The following MEI1 variants were observed in gnomAD, a reference collection of about 807,000 sequenced individuals.
MEI1 encodes the protein meiotic double-stranded break formation protein 1.
MEI1 carries 103 observed loss-of-function variants against 146.2 expected under a neutral mutation model. The ratio of observed to expected loss-of-function variants is 0.70; its 90% CI spans 0.60 to 0.83. The LOEUF is 0.83. MEI1 is among the 40% of genes least tolerant of loss of function. MEI1 has a pLI of 0.00. For synonymous variants in MEI1, 652 were observed against 628.2 expected (o/e 1.04, Z -0.57); for missense variants, 1,529 against 1,533.0 (o/e 1.00, Z 0.04).
intron 16 of MEI1, 80 bp from the exon 17 acceptor site, chr22:41,753,869 C>T: frequency 1.0e-6 from 1 of 978,154 alleles, no homozygotes; most frequent in African/African-American, 1.6e-5. Flanking sequence ...CAGTGGTGCC[C>T]AGGCATATGG....
intron 26 of MEI1, among the ~76,000 whole-genome samples, chr22:41,785,918 T>TTTA (rs2075964509): frequency 7.0e-6 from 1 of 142,752 alleles, no homozygotes; most frequent in African/African-American, 2.6e-5. Context: ...TTATTTTATT[T>TTTA]TTTTTTTTTT....
chr22:41,752,387 C>T (rs2073817495), intron 15 of MEI1: 1 of 577,144 alleles, frequency 1.7e-6, no homozygotes, highest in African/African-American at 1.9e-5. Flanking sequence ...TTTACAACAC[C>T]CTGTGAGGTA....
intron 19 of MEI1, among the ~76,000 whole-genome samples, 168 bp downstream of exon 19, chr22:41,763,489 G>C (rs1186984057): frequency 2.0e-5 from 3 of 150,526 alleles, no homozygotes; most frequent in African/African-American, 4.9e-5. Context: ...TACAGAGCCT[G>C]TATAATTTAC....
At position 41,784,382 on chromosome 22, in the gene MEI1, C is replaced by T; in HGVS notation, c.3131C>T (p.Ala1044Val). ...GTGGAAATGGACCAAGTATTGAAGG[C>T]TCTCAGCTTTCCAAAGAAAAAGGCT... ...LSVEMDQVLK[A>V]LSFPKKKAAL... Residue 1044 changes from alanine to valine, a missense_variant, in exon 25 of 31, where the codon GCT (alanine) becomes GTT (valine). Coordinates refer to ENST00000401548, the MANE Select transcript of MEI1 (RefSeq NM_152513.4). The T allele has an allele frequency of 3.1e-6, 5 of 1,613,984 alleles. No homozygotes were observed. Among genetic ancestry groups the T allele is most frequent in the Non-Finnish European group, 4.2e-6 (5 of 1,179,902 alleles).
chr22:41,798,094 T>G (rs189314381), intron 30 of MEI1, among the ~76,000 whole-genome samples: 138 of 149,254 alleles, frequency 9.2e-4, no homozygotes, highest in African/African-American at 3.2e-3. Context: ...CAAGCGCAGT[T>G]GGTTCAAGTG....
chr22:41,799,232 T>C, intron 30 of MEI1, 22 bp from the exon 31 acceptor site: 1 of 1,612,808 alleles, frequency 6.2e-7, no homozygotes, highest in South Asian at 1.1e-5. Context: ...TCTGCTGTTT[T>C]CCTCTCATGT....
At chr22:41,779,812 TACCC>T (rs2075664141) in intron 22 of MEI1, among the ~76,000 whole-genome samples, 1 of 152,160 alleles carries the variant, frequency 6.6e-6, no homozygotes, top group Admixed American at 6.5e-5. Flanking sequence ...GCTTTTTTCT[TACCC>T]ACACCCCAAA....
At chr22:41,762,348 A>T (rs1156428145) in intron 18 of MEI1, among the ~76,000 whole-genome samples, 1 of 104,726 alleles carries the variant, frequency 9.5e-6, no homozygotes, top group African/African-American at 3.9e-5. Context: ...CCCCTACTCT[A>T]CCCTCCCTTT....
At chr22:41,793,935 T>C (rs745810523) in intron 27 of MEI1, 25 bp downstream of exon 27, 3 of 1,598,316 alleles carry the variant, frequency 1.9e-6, no homozygotes, top group Non-Finnish European at 2.6e-6. Flanking sequence ...CATTATCTGA[T>C]GTTCCCATGA....
Position 41,795,265 on chromosome 22 carries a change from T to A in MEI1, c.3535-146T>A. The A allele has an allele frequency of 1.9e-6, 2 of 1,080,912 alleles. No homozygotes were observed. The highest frequency in any genetic ancestry group is 4.9e-5 in the East Asian group (2 of 40,722). The allele number at this position is 1,080,912 out of a possible 1,614,324, so 67.0% of individuals were successfully genotyped here. ...CACTTCCCCATGACACAGTCCCACC[T>A]CTGCCCACTAACTCTGAGCTCCTTG... On this transcript the variant is annotated intron_variant, in intron 28 of 30. Transcript: ENST00000401548. This position sits in a 1 kb window ranked among gnomAD's most constrained non-coding sequence, Gnocchi z 4.2.
chr22:41,750,942 C>T (rs761754663), intron 15 of MEI1, among the ~76,000 whole-genome samples: 2 of 151,992 alleles, frequency 1.3e-5, no homozygotes, highest in South Asian at 2.1e-4. Flanking sequence ...AGTCTTGGGG[C>T]GCTGGATGGG....
intron 21 of MEI1, 69 bp from the exon 22 acceptor site, chr22:41,778,639 G>A (rs1356654168): frequency 8.1e-7 from 1 of 1,233,432 alleles, no homozygotes; most frequent in Non-Finnish European, 1.2e-6. Context: ...ATTGAAGCAG[G>A]GCAGGGTGTC....
At chr22:41,789,330 A>T (rs2076095287) in intron 26 of MEI1, among the ~76,000 whole-genome samples, 1 of 152,142 alleles carries the variant, frequency 6.6e-6, no homozygotes, top group South Asian at 2.1e-4. Context: ...AATAAATAAA[A>T]AATAAAATAC....
Position 41,699,662 on chromosome 22 carries a change from C to A in MEI1, c.124C>A (p.Arg42Ser), listed in dbSNP as rs1390840836. ...GCGCTGGCTGCTGCCCGTGACCCCC[C>A]GCCTGTGCCTGGCCTGCGCGCTGGA... Reference protein sequence around the residue: ...DPRWLLPVTPRLCLACALELL... With the variant: ...DPRWLLPVTPSLCLACALELL... The change falls in exon 1 of 31, where the codon CGC (arginine) becomes AGC (serine). Residue 42 changes from arginine to serine, a missense_variant. Arg to Ser is a moderately radical substitution (Grantham distance 110). Transcript: ENST00000401548. 4 of 1,591,840 alleles carry A rather than the reference C, an allele frequency of 2.5e-6. No individual in the cohort carries two copies. The highest frequency in any genetic ancestry group is 1.1e-5 in the South Asian group (1 of 88,706).
chr22:41,714,477 T>C (rs2069906423), intron 4 of MEI1, among the ~76,000 whole-genome samples: 2 of 152,196 alleles, frequency 1.3e-5, no homozygotes, highest in Admixed American at 6.6e-5. Flanking sequence ...TGAAGGTGTT[T>C]GGTTCTATCA....
intron 1 of MEI1, 68 bp downstream of exon 1, chr22:41,699,780 C>G: frequency 3.4e-6 from 5 of 1,474,126 alleles, no homozygotes; most frequent in Non-Finnish European, 3.6e-6. Context: ...GCGGCCAGGC[C>G]CTTGCCAGAC....
chr22:41,731,909 C>G (rs1209122575), intron 9 of MEI1, among the ~76,000 whole-genome samples: 1 of 151,984 alleles, frequency 6.6e-6, no homozygotes, highest in African/African-American at 2.4e-5. Flanking sequence ...TCAGGGAAGG[C>G]TTTTTGGAGG....
chr22:41,710,566 T>C (rs1254971122), intron 3 of MEI1, among the ~76,000 whole-genome samples: 1 of 152,162 alleles, frequency 6.6e-6, no homozygotes, highest in Non-Finnish European at 1.5e-5. Flanking sequence ...TAACTGAGTC[T>C]TCAGAGGCCA....
chr22:41,750,574 G>A (rs2073681229), intron 15 of MEI1, among the ~76,000 whole-genome samples: 1 of 152,076 alleles, frequency 6.6e-6, no homozygotes, highest in Non-Finnish European at 1.5e-5. Context: ...GGTGAGAAAT[G>A]GGGGTGTGAG....
Sources: gnomAD v4.1 joint callset for allele counts (sites outside exome capture counted in the v4.1 genomes callset) on GRCh38, gnomAD v4.1.1 for gene constraint, Gnocchi (gnomAD v3.1) non-coding constraint, MANE v1.5 for transcripts, NCBI Gene and HGNC (gene_info 2026-07-23, HGNC 2026-07-21) for gene names.